Variants in AGBL1 observed in about 807,000 individuals in gnomAD.
AGBL1 encodes AGBL carboxypeptidase 1.
AGBL1 carries 130 observed loss-of-function variants against 118.9 expected under a neutral mutation model. The ratio of observed to expected loss-of-function variants is 1.09; its 90% CI spans 0.95 to 1.26. AGBL1 has a LOEUF of 1.26. Ranked by LOEUF, AGBL1 falls within the 50% of genes most tolerant of loss-of-function variation. AGBL1 has a pLI of 0.00. For synonymous variants in AGBL1, 555 were observed against 478.9 expected, an observed-to-expected ratio of 1.16 and a Z score of -2.08; for missense variants, 1,584 against 1,298.1, an observed-to-expected ratio of 1.22 and a Z score of -3.38.
At chr15:86,709,522 T>G (rs1312746743) in intron 22 of AGBL1, among the ~76,000 whole-genome samples, 1 of 152,192 alleles carries the variant, frequency 6.6e-6, no homozygotes, top group East Asian at 1.9e-4. Flanking sequence ...TTTTCCTTTC[T>G]GTATTTCATG....
At position 86,154,517 on chromosome 15, in the gene AGBL1, A is replaced by G. The variant is rs746632721; in HGVS notation, c.350A>G (p.Asn117Ser). The G allele has an allele frequency of 6.2e-7, 1 of 1,613,062 alleles. No homozygotes were observed. Among genetic ancestry groups the G allele is most frequent in the Non-Finnish European group, 8.5e-7 (1 of 1,179,530 alleles). ...LARKNLSHGQNLLHCLWALRV... is the reference protein window; with the variant it reads ...LARKNLSHGQSLLHCLWALRV... ...AGGAAGAACCTATCCCATGGCCAGAATCTCCTCCACTGTCTCTGGGCTCTG... is the reference window on the plus strand; with the variant it reads ...AGGAAGAACCTATCCCATGGCCAGAGTCTCCTCCACTGTCTCTGGGCTCTG... Residue 117 changes from asparagine to serine, a missense_variant, in exon 4 of 23, where the codon AAT becomes AGT. By Grantham distance (46) the Asn-to-Ser change is conservative. Transcript: ENST00000614907.
chr15:87,027,947 T>TA (rs751880033), intron 24 of AGBL1, among the ~76,000 whole-genome samples: 72 of 151,986 alleles, frequency 4.7e-4, no homozygotes, highest in Admixed American at 1.4e-3. Context: ...GCTTAATCCC[T>TA]AGGTGATGGG....
At chr15:86,147,210 G>A (rs1422418351) in intron 3 of AGBL1, among the ~76,000 whole-genome samples, 1 of 152,180 alleles carries the variant, frequency 6.6e-6, no homozygotes, top group African/African-American at 2.4e-5. Context: ...CAGAAGATGG[G>A]TGATTACTGC....
intron 22 of AGBL1, among the ~76,000 whole-genome samples, chr15:86,826,667 C>T (rs569433722): frequency 6.6e-6 from 1 of 152,010 alleles, no homozygotes; most frequent in Non-Finnish European, 1.5e-5. Context: ...TGTTACTGTT[C>T]TGGGGTCTAC....
chr15:86,160,110 T>G (rs1053396730), intron 5 of AGBL1, among the ~76,000 whole-genome samples: 5 of 151,116 alleles, frequency 3.3e-5, no homozygotes, highest in African/African-American at 1.2e-4. Flanking sequence ...TTTTTTTTTT[T>G]TTTTTTTTTT....
At chr15:86,405,798 G>T (rs898981441) in intron 18 of AGBL1, among the ~76,000 whole-genome samples, 8 of 151,974 alleles carry the variant, frequency 5.3e-5, no homozygotes, top group Non-Finnish European at 7.4e-5. Flanking sequence ...CAAGGTTCGC[G>T]CAAGTGGTAG....
intron 17 of AGBL1, among the ~76,000 whole-genome samples, chr15:86,304,573 A>G (rs1301859965): frequency 6.6e-6 from 1 of 152,158 alleles, no homozygotes. Flanking sequence ...GCAGGTGCAC[A>G]AGACATGTTT....
At chr15:86,965,192 T>C (rs1319394728) in intron 23 of AGBL1, among the ~76,000 whole-genome samples, 2 of 152,128 alleles carry the variant, frequency 1.3e-5, no homozygotes, top group African/African-American at 4.8e-5. Flanking sequence ...TTCTAGATCC[T>C]TGAGGAATCG....
chr15:86,427,636 T>A (rs2081883439), intron 18 of AGBL1, among the ~76,000 whole-genome samples: 1 of 152,222 alleles, frequency 6.6e-6, no homozygotes, highest in Non-Finnish European at 1.5e-5. Context: ...GTAGTTTTCA[T>A]GAGACAGCCC....
chr15:86,447,989 A>G (rs1484583722), intron 18 of AGBL1, among the ~76,000 whole-genome samples: 2 of 151,936 alleles, frequency 1.3e-5, no homozygotes, highest in East Asian at 3.9e-4. Flanking sequence ...TACAAAAAAT[A>G]CAAAAACTAG....
At chr15:86,364,215 T>C (rs535025226) in intron 17 of AGBL1, among the ~76,000 whole-genome samples, 4 of 152,302 alleles carry the variant, frequency 2.6e-5, no homozygotes, top group Admixed American at 6.5e-5. Flanking sequence ...CTCCACAATG[T>C]AGGACCCAGC....
At chr15:86,263,030 G>C in intron 10 of AGBL1, 136 bp downstream of exon 10, 1 of 677,138 alleles carries the variant, frequency 1.5e-6, no homozygotes, top group Non-Finnish European at 2.5e-6. Flanking sequence ...CTTCCTTAGA[G>C]AAAAGCAGAA....
intron 18 of AGBL1, among the ~76,000 whole-genome samples, chr15:86,424,389 A>G (rs958995166): frequency 2.6e-5 from 4 of 152,226 alleles, no homozygotes; most frequent in Non-Finnish European, 4.4e-5. Context: ...AAATTAACTC[A>G]AGGTGGATTA....
At chr15:86,106,012 A>T (rs1300914847) in intron 1 of AGBL1, among the ~76,000 whole-genome samples, 7 of 152,176 alleles carry the variant, frequency 4.6e-5, no homozygotes, top group African/African-American at 1.7e-4. Context: ...CTTTGCTTCT[A>T]AATGTTTTGC....
At chr15:86,785,551 A>C (rs529011274) in intron 22 of AGBL1, among the ~76,000 whole-genome samples, 1 of 152,038 alleles carries the variant, frequency 6.6e-6, no homozygotes, top group South Asian at 2.1e-4. Context: ...TATTTTTAGT[A>C]GAGACGGGGT....
intron 22 of AGBL1, among the ~76,000 whole-genome samples, chr15:86,696,001 T>C (rs1297233397): frequency 1.3e-5 from 2 of 151,988 alleles, no homozygotes; most frequent in Admixed American, 6.6e-5. Context: ...TTGAGACTTG[T>C]TTTGTGGCCT....
intron 22 of AGBL1, among the ~76,000 whole-genome samples, chr15:86,775,945 T>G (rs111286013): frequency 3.9e-5 from 6 of 152,280 alleles, no homozygotes; most frequent in African/African-American, 1.4e-4. Context: ...GTGAAGTTGA[T>G]AAATAGCATC....
intron 21 of AGBL1, among the ~76,000 whole-genome samples, chr15:86,598,046 T>C (rs2084436591): frequency 1.3e-5 from 2 of 152,264 alleles, no homozygotes; most frequent in Admixed American, 1.3e-4. Flanking sequence ...ATATTTTGTC[T>C]GGCTGTTGTC....
chr15:86,389,232 A>T (rs554708486), intron 17 of AGBL1, among the ~76,000 whole-genome samples: 1 of 152,306 alleles, frequency 6.6e-6, no homozygotes, highest in Admixed American at 6.5e-5. Context: ...CTTGGAAAAC[A>T]TGTAGAAAGA....
Sources: gnomAD v4.1 joint callset for allele counts (sites outside exome capture counted in the v4.1 genomes callset) on GRCh38, gnomAD v4.1.1 for gene constraint, MANE v1.5 for transcripts, NCBI Gene and HGNC (gene_info 2026-07-23, HGNC 2026-07-21) for gene names.